The following TRPV6 variants were observed in gnomAD, a reference collection of about 807,000 sequenced individuals.
TRPV6 encodes transient receptor potential cation channel subfamily V member 6.
In TRPV6, 39 loss-of-function variants were observed where a neutral mutation model predicts 79.0. The observed-to-expected ratio is 0.49, with a 90% CI of 0.38 to 0.64. The LOEUF (loss-of-function observed/expected upper bound fraction) is 0.64, where lower values mean the gene tolerates loss of function less well. TRPV6 is among the 30% of genes least tolerant of loss of function. The pLI, the probability that TRPV6 is intolerant of heterozygous loss-of-function variation, is 0.00. For missense variants in TRPV6, 813 were observed against 1,011.1 expected, an observed-to-expected ratio of 0.80 and a Z score of 2.66; for synonymous variants, 373 against 391.9, an observed-to-expected ratio of 0.95 and a Z score of 0.57.
Position 142,877,229 on chromosome 7 carries a change from G to C in TRPV6, c.520C>G (p.Arg174Gly), listed in dbSNP as rs1309922604. ...CTGGCCCTGCGGGCAAGCAGGGCTCGCACCAGGTTCATGTTCTGGTTCACA... is the reference window on the plus strand; with the variant it reads ...CTGGCCCTGCGGGCAAGCAGGGCTCCCACCAGGTTCATGTTCTGGTTCACA... Residue 174 changes from arginine (R) to glycine (G), a missense_variant, in exon 4 of 15, where the codon CGA becomes GGA. This residue lies in a region of TRPV6 where 555 missense variants were observed against 631.0 expected (regional missense o/e 0.88). Transcript: ENST00000359396. 1 of 1,614,218 alleles carries C rather than the reference G, an allele frequency of 6.2e-7. No homozygotes were observed. Among genetic ancestry groups the C allele is most frequent in the Non-Finnish European group, 8.5e-7 (1 of 1,180,028 alleles).
chr7:142,879,608 G>A (rs983416024), intron 1 of TRPV6: 1 of 152,208 alleles, frequency 6.6e-6, no homozygotes, highest in Non-Finnish European at 1.5e-5. Context: ...TCAGAGAGGA[G>A]ACATCAGCTC....
At chr7:142,872,235 C>G (rs928639677) in intron 14 of TRPV6, 137 bp downstream of exon 14, 24 of 1,012,586 alleles carry the variant, frequency 2.4e-5, no homozygotes, top group Admixed American at 2.6e-5. Flanking sequence ...CCTTCCTCAC[C>G]AGCTCAATCA....
rs1794925844 is a variant in TRPV6, at chr7:142,871,485, C to T, written c.*222G>A. On this transcript the variant is annotated 3_prime_UTR_variant, in exon 15 of 15. Coordinates refer to ENST00000359396, the MANE Select transcript of TRPV6 (RefSeq NM_018646.6). ...AGGCCACAGGAGAGTTCCTCACGCC[C>T]TGCCAGCCCCGTGCTTGGGCTGGGC... 1.7e-6 allele frequency: 1 copy of T among 574,104 alleles called. No homozygotes were observed. The highest frequency in any genetic ancestry group is 3.0e-6 in the Non-Finnish European group (1 of 330,498). 35.6% of individuals were successfully genotyped at this position (574,104 alleles called of 1,614,324 possible).
Position 142,875,677 on chromosome 7 carries a change from G to C in TRPV6, c.1033C>G (p.Arg345Gly). The change falls in exon 8 of 15, where the codon CGC (arginine) becomes GGC (glycine). Residue 345 changes from arginine to glycine, a missense_variant. Transcript: ENST00000359396. ...ACCGGCGTCTGGTCCAGGATCTGGC[G>C]AGCCTGCAACAGAAAGAGAACAGGT... The C allele has an allele frequency of 6.2e-7, 1 of 1,611,352 alleles. No homozygotes were observed. Among genetic ancestry groups the C allele is most frequent in the Non-Finnish European group, 8.5e-7 (1 of 1,178,726 alleles).
chr7:142,877,960 G>A lies in TRPV6; in HGVS notation c.315C>T (p.Leu105=). 6.2e-7 allele frequency: 1 copy of A among 1,614,200 alleles called. No individual in the cohort carries two copies. Among genetic ancestry groups the A allele is most frequent in the Non-Finnish European group, 8.5e-7 (1 of 1,180,042 alleles). The change falls in exon 2 of 15, where the codon CTC becomes CTT. Residue 105 remains leucine (L), a synonymous_variant. Coordinates refer to ENST00000359396, the MANE Select transcript of TRPV6 (RefSeq NM_018646.6). The stretch of plus-strand genomic sequence containing the variant: ...GGTGCACCTTGCAATCCTCATACTT[G>A]AGCAACTTGTTCAGGGCCTGGACAT...
chr7:142,876,717 C>A (rs769773586), intron 5 of TRPV6, 22 bp downstream of exon 5: 1 of 1,614,038 alleles, frequency 6.2e-7, no homozygotes, highest in Non-Finnish European at 8.5e-7. Flanking sequence ...ATCCCAGCTC[C>A]CCTCCCCATC....
rs200004493 is a variant in TRPV6, at chr7:142,885,461, A to G, written c.176T>C (p.Phe59Ser). 1 of 1,613,936 alleles carries G rather than the reference A, an allele frequency of 6.2e-7. No homozygotes were observed. Among genetic ancestry groups the G allele is most frequent in the Admixed American group, 1.7e-5 (1 of 59,994 alleles). Residue 59 changes from phenylalanine (F) to serine (S), a missense_variant, in exon 1 of 15, where the codon TTC becomes TCC. Coordinates refer to ENST00000359396, the MANE Select transcript of TRPV6 (RefSeq NM_018646.6). ...CTCCCGTCTCTGGAACCATCTGCAG[A>G]ACTTGCTCCATAGGCAGAGAATTAG... is the stretch of plus-strand genomic sequence containing the variant.
At chr7:142,875,039 C>G (rs190871956) in intron 9 of TRPV6, 39 bp downstream of exon 9, 3 of 1,613,918 alleles carry the variant, frequency 1.9e-6, no homozygotes, top group African/African-American at 2.7e-5. Flanking sequence ...CTGGATTCCT[C>G]GGGCAGACAG....
At position 142,873,790 on chromosome 7, in the gene TRPV6, A is replaced by G; in HGVS notation, c.1640-74T>C. On this transcript the variant is annotated intron_variant, in intron 12 of 14. Coordinates refer to ENST00000359396, the MANE Select transcript of TRPV6 (RefSeq NM_018646.6). The surrounding 1 kb of genome is among the most constrained non-coding windows in gnomAD (Gnocchi z 4.8). ...CCAGCCCACCCCGGGCTCTGCGTGC[A>G]TGTCCATCCTGGTCCCTTCATCTCA... is the stretch of plus-strand genomic sequence containing the variant. 2.5e-6 allele frequency: 4 copies of G among 1,584,192 alleles called. No homozygotes were observed. Among genetic ancestry groups the G allele is most frequent in the Non-Finnish European group, 3.5e-6 (4 of 1,158,498 alleles).
Position 142,873,329 on chromosome 7 carries a change from G to T in TRPV6, c.1908+119C>A. On this transcript the variant is annotated intron_variant, in intron 13 of 14. Coordinates refer to ENST00000359396, the MANE Select transcript of TRPV6 (RefSeq NM_018646.6). This position sits in a 1 kb window ranked among gnomAD's most constrained non-coding sequence, Gnocchi z 4.8. Reference sequence around the variant, plus strand: ...CTGTACATTTTGCATGATTTTGCTAGCTTTGCCACAACTGTCCAAACATAA... The same window carrying T: ...CTGTACATTTTGCATGATTTTGCTATCTTTGCCACAACTGTCCAAACATAA... 1.4e-6 allele frequency: 2 copies of T among 1,414,682 alleles called. No individual in the cohort carries two copies. The highest frequency in any genetic ancestry group is 9.6e-7 in the Non-Finnish European group (1 of 1,036,742). 87.6% of individuals were successfully genotyped at this position (1,414,682 alleles called of 1,614,324 possible).
Position 142,872,597 on chromosome 7 carries a change from C to T in TRPV6, c.1909-119G>A. ...GAGAGTTGATAGAGCTTGAGACCAA[C>T]AATTCTTTACCCAATGACCCAACAT... On this transcript the variant is annotated intron_variant, in intron 13 of 14. Transcript: ENST00000359396. 4 of 1,020,656 alleles carry T rather than the reference C, an allele frequency of 3.9e-6. No individual in the cohort carries two copies. The South Asian group carries it at 5.9e-5, about 15-fold the overall frequency. The allele number at this position is 1,020,656 out of a possible 1,614,324, so 63.2% of individuals were successfully genotyped here.
At position 142,877,700 on chromosome 7, in the gene TRPV6, C is replaced by T. The variant is rs755506130; in HGVS notation, c.420G>A (p.Glu140=). The change falls in exon 3 of 15, where the codon GAG becomes GAA. Residue 140 remains glutamate, a synonymous_variant. Coordinates refer to ENST00000359396, the MANE Select transcript of TRPV6 (RefSeq NM_018646.6). ...GCTCAAAGACCAGCTCCGGGGCAGC[C>T]TCCATCAGCACCATGGCGGCCTCCA... is the stretch of plus-strand genomic sequence containing the variant. The T allele has an allele frequency of 6.2e-6, 10 of 1,614,108 alleles. No individual in the cohort carries two copies. The Admixed American group carries it at 1.5e-4, about 24-fold the overall frequency.
chr7:142,877,349 C>A, intron 3 of TRPV6, 70 bp from the exon 4 acceptor site: 1 of 1,585,660 alleles, frequency 6.3e-7, no homozygotes, highest in Non-Finnish European at 8.6e-7. Context: ...CCCATATGCA[C>A]CCCAGTCTCT....
At chr7:142,877,314 C>T (rs4987656) in intron 3 of TRPV6, 35 bp from the exon 4 acceptor site, 150,355 of 1,607,494 alleles carry the variant, frequency 0.094, 14,783 homozygotes, top group African/African-American at 0.52. Context: ...ACGGGTCTGT[C>T]CCCAGGATCC....
rs1795063094 is a variant in TRPV6 at position 142,876,150 on chromosome 7, G to T, written c.883-246C>A. ...AGAGGCTGGAGGGCCCTGCTCTGGG[G>T]GCTGAAAGGGAAGGTGGGCTGGGGC... On this transcript the variant is annotated intron_variant, in intron 6 of 14. Transcript: ENST00000359396. 5 of 682,334 alleles carry T rather than the reference G, an allele frequency of 7.3e-6. No individual in the cohort carries two copies. In the African/African-American group the frequency reaches 9.0e-5, roughly 12 times the overall value. The allele number at this position is 682,334 out of a possible 1,614,324, so 42.3% of individuals were successfully genotyped here.
chr7:142,874,515 G>A lies in TRPV6; in HGVS notation c.1548C>T (p.Gly516=), dbSNP rs1795010932. The A allele has an allele frequency of 6.2e-7, 1 of 1,614,128 alleles. No individual in the cohort carries two copies. Among genetic ancestry groups the A allele is most frequent in the Non-Finnish European group, 8.5e-7 (1 of 1,180,036 alleles). ...CCTTCTGAATCATGATGGTGAAGGG[G>A]CCTAGCATCTGGAATCCTCGGGCGA... Residue 516 remains glycine (G), a synonymous_variant, in exon 11 of 15, where the codon GGC becomes GGT. Transcript: ENST00000359396.
Position 142,872,338 on chromosome 7 carries a change from T to C in TRPV6, c.2015+34A>G, listed in dbSNP as rs1794956044. 2.5e-6 allele frequency: 4 copies of C among 1,609,018 alleles called. No individual in the cohort carries two copies. The Admixed American group carries it at 6.7e-5, about 27-fold the overall frequency. On this transcript the variant is annotated intron_variant, in intron 14 of 14. Coordinates refer to ENST00000359396, the MANE Select transcript of TRPV6 (RefSeq NM_018646.6). ...AGGGGGATACCCTGCCGATGAGGCT[T>C]CTCAGGGGACACCTACCCCCGCATA... is the stretch of plus-strand genomic sequence containing the variant.
In TRPV6 at chr7:142,885,718, T is replaced by C. The variant is rs572259642; in HGVS notation, c.-82A>G. ...AGTTTGGAGAGGGCTGTGAGTTTGT[T>C]ACACTTGGCAGAGCCAGCCAGGACT... On this transcript the variant is annotated 5_prime_UTR_variant, in exon 1 of 15. Transcript: ENST00000359396. The C allele has an allele frequency of 1.9e-5, 12 of 641,892 alleles. No individual in the cohort carries two copies. The highest frequency in any genetic ancestry group is 1.8e-4 in the African/African-American group (10 of 54,072). 39.8% of individuals were successfully genotyped at this position (641,892 alleles called of 1,614,324 possible). A position where few individuals can be genotyped will look rare whatever the true frequency, so the allele number is the denominator to read the frequency against.
chr7:142,873,844 T>A lies in TRPV6; in HGVS notation c.1640-128A>T. On this transcript the variant is annotated intron_variant, in intron 12 of 14. Transcript: ENST00000359396. The surrounding 1 kb of genome is among the most constrained non-coding windows in gnomAD (Gnocchi z 4.8). ...TCACCAGCTCTGCAGTGCTCCAAAC[T>A]TTGGGTTTTTACGGTCCCTAGTTTT... is the stretch of plus-strand genomic sequence containing the variant. 1 of 1,397,374 alleles carries A rather than the reference T, an allele frequency of 7.2e-7. No individual in the cohort carries two copies. The highest frequency in any genetic ancestry group is 2.0e-5 in the Admixed American group (1 of 49,098). The allele number at this position is 1,397,374 out of a possible 1,614,324, so 86.6% of individuals were successfully genotyped here.
Sources: allele counts gnomAD v4.1 joint callset, GRCh38; gene constraint gnomAD v4.1.1; regional missense constraint gnomAD v4.1.1; non-coding constraint Gnocchi (gnomAD v3.1); transcripts MANE v1.5; gene names NCBI Gene and HGNC (gene_info 2026-07-23, HGNC 2026-07-21).